Variants in TRIM37 observed in about 807,000 individuals in gnomAD.
TRIM37 encodes tripartite motif containing 37, also known as E3 ubiquitin-protein ligase TRIM37.
Under a neutral mutation model 129.8 loss-of-function variants are expected in TRIM37, and 80 were observed. That is an observed-to-expected ratio of 0.62 (90% CI 0.51 to 0.74). The LOEUF is 0.74. TRIM37 is among the 30% of genes least tolerant of loss of function. The pLI is 0.00. For missense variants in TRIM37, 1,054 were observed against 1,176.5 expected (o/e 0.90, Z 1.52); for synonymous variants, 389 against 387.1 (o/e 1.00, Z -0.06).
rs760937895 is a variant in TRIM37 at position 58,999,373 on chromosome 17, GCAATTACCTTC to G, written c.2888_*3del. The stretch of plus-strand genomic sequence containing the variant: ...CTTGCAAGTCAGTTCTCTTGATTTG[GCAATTACCTTC>G]CACTATTTTCATCTGTATTGAAGCT... On this transcript the variant is annotated stop_lost and 3_prime_UTR_variant, in exon 24 of 24. Coordinates refer to ENST00000262294, the MANE Select transcript of TRIM37 (RefSeq NM_015294.6). 6.2e-7 allele frequency: 1 copy of G among 1,613,786 alleles called. No individual in the cohort carries two copies. Among genetic ancestry groups the G allele is most frequent in the Non-Finnish European group, 8.5e-7 (1 of 1,179,876 alleles).
At chr17:59,027,140 GT>G (rs1165744881) in intron 19 of TRIM37, among the ~76,000 whole-genome samples, 2 of 152,126 alleles carry the variant, frequency 1.3e-5, no homozygotes, top group African/African-American at 4.8e-5. Context: ...TTTCAAAGTT[GT>G]GTACCATTCA....
chr17:59,012,227 G>GCAGCAGCAGCAGCACCACCAC (rs72443487), intron 22 of TRIM37, 101 bp downstream of exon 22: 14 of 611,888 alleles, frequency 2.3e-5, no homozygotes, highest in South Asian at 1.1e-4. Flanking sequence ...AGCAGCAGCA[G>GCAGCAGCAGCAGCACCACCAC]CACCACCACC....
chr17:59,017,571 T>C, intron 19 of TRIM37, 147 bp from the exon 20 acceptor site: 2 of 1,106,440 alleles, frequency 1.8e-6, no homozygotes, highest in South Asian at 1.3e-5. Context: ...TAGCCCCAAT[T>C]GGTTTAGACT....
intron 2 of TRIM37, among the ~76,000 whole-genome samples, chr17:59,095,798 A>T (rs1179128139): frequency 6.6e-6 from 1 of 152,230 alleles, no homozygotes; most frequent in Admixed American, 6.5e-5. Flanking sequence ...AGCTCACTGC[A>T]GCCTCAACCT....
chr17:59,049,889 C>G (rs1967575733), intron 14 of TRIM37, among the ~76,000 whole-genome samples: 1 of 152,186 alleles, frequency 6.6e-6, no homozygotes, highest in Non-Finnish European at 1.5e-5. Context: ...TTATGCTCAT[C>G]CTCCTTCTTT....
intron 2 of TRIM37, among the ~76,000 whole-genome samples, chr17:59,091,897 A>C (rs1568232590): frequency 6.6e-6 from 1 of 151,826 alleles, no homozygotes; most frequent in East Asian, 1.9e-4. Flanking sequence ...TTATTGTCTT[A>C]TAATAATGGC....
intron 24 of TRIM37, among the ~76,000 whole-genome samples, chr17:58,986,247 G>A (rs1029321554): frequency 2.0e-5 from 3 of 148,540 alleles, no homozygotes; most frequent in Non-Finnish European, 4.5e-5. Context: ...CACCCAGGCC[G>A]GAGTGCAGTG....
chr17:59,058,620 G>A (rs2041189838), intron 12 of TRIM37, among the ~76,000 whole-genome samples: 1 of 152,170 alleles, frequency 6.6e-6, no homozygotes, highest in Admixed American at 6.5e-5. Flanking sequence ...CACTTTAAGA[G>A]ACCGAGGTGG....
Position 58,998,595 on chromosome 17 carries a change from AAAG to A in TRIM37, c.*779_*781del. The A allele has an allele frequency of 1.0e-6, 1 of 985,478 alleles. No homozygotes were observed. The allele number at this position is 985,478 out of a possible 1,614,324, so 61.0% of individuals were successfully genotyped here. ...AAATCAATGTACAACTAATGAAAAT[AAAG>A]AAGAAAAGGGGGCTTTAAAATATTT... On this transcript the variant is annotated 3_prime_UTR_variant, in exon 24 of 24. Coordinates refer to ENST00000262294, the MANE Select transcript of TRIM37 (RefSeq NM_015294.6).
chr17:59,048,828 C>T (rs911331001), intron 15 of TRIM37, among the ~76,000 whole-genome samples: 5 of 152,218 alleles, frequency 3.3e-5, no homozygotes, highest in Non-Finnish European at 7.3e-5. Context: ...AACTCCTGAC[C>T]TCATGTGATC....
chr17:59,063,368 C>T (rs1161148188), intron 10 of TRIM37, among the ~76,000 whole-genome samples: 6 of 151,998 alleles, frequency 3.9e-5, no homozygotes, highest in African/African-American at 9.7e-5. Context: ...TTAGTAGAGA[C>T]GGGGTTTACC....
In TRIM37 at chr17:59,037,354, C is replaced by T. The variant is rs560280166; in HGVS notation, c.1753+4459G>A. ...AGGGCAGATCACAAGATCAGGAGATCGAGACCATCCTGGCTAACACGGTGA... is the reference window on the plus strand; with the variant it reads ...AGGGCAGATCACAAGATCAGGAGATTGAGACCATCCTGGCTAACACGGTGA... On this transcript the variant is annotated intron_variant, in intron 17 of 23. Transcript: ENST00000262294. Among the ~76,000 whole-genome samples, 117 of 151,576 alleles carry T rather than the reference C, an allele frequency of 7.7e-4. 1 individual carries two copies. Among genetic ancestry groups the T allele is most frequent in the Non-Finnish European group, 1.1e-3 (75 of 67,872 alleles).
chr17:58,980,997 G>A, downstream of TRIM37: 1 of 1,612,040 alleles, frequency 6.2e-7, no homozygotes, highest in Non-Finnish European at 8.5e-7. This position sits in a 1 kb window ranked among gnomAD's most constrained non-coding sequence, Gnocchi z 4.7. Flanking sequence ...GATATTCCAT[G>A]CCCAGATCTT....
rs528399512 is a variant in TRIM37, at chr17:59,020,390, G to GA, written c.2258-2967dup. On this transcript the variant is annotated intron_variant, in intron 19 of 23. Transcript: ENST00000262294. ...CCCTTGAGCAGGTCAAATCAAAGGA[G>GA]AAAAAAAAACAGAAGTAAGCAATAA... Among the ~76,000 whole-genome samples, 589 of 147,124 alleles carry GA rather than the reference G, an allele frequency of 4.0e-3. 11 individuals carry two copies. Among genetic ancestry groups the GA allele is most frequent in the African/African-American group, 0.012 (476 of 40,096 alleles).
At chr17:58,995,895 T>C (rs554016552), downstream of TRIM37, among the ~76,000 whole-genome samples, 3 of 152,110 alleles carry the variant, frequency 2.0e-5, no homozygotes, top group South Asian at 6.2e-4. Flanking sequence ...TAGTCCCAGC[T>C]ACTTAGGAGG....
At chr17:59,047,944 T>C (rs2146093633) in intron 15 of TRIM37, 125 bp from the exon 16 acceptor site, 2 of 1,122,066 alleles carry the variant, frequency 1.8e-6, no homozygotes, top group South Asian at 1.3e-5. Flanking sequence ...TTTCTGCTCC[T>C]GTGCCTCAGC....
chr17:59,051,890 C>A (rs1314673496), intron 13 of TRIM37, among the ~76,000 whole-genome samples: 1 of 152,110 alleles, frequency 6.6e-6, no homozygotes, highest in Non-Finnish European at 1.5e-5. Flanking sequence ...GCCACTACGC[C>A]CGGCTAATTT....
chr17:59,005,116 A>G (rs1237980080), intron 22 of TRIM37, among the ~76,000 whole-genome samples: 2 of 152,184 alleles, frequency 1.3e-5, no homozygotes, highest in African/African-American at 4.8e-5. Context: ...ACTGAGTTGA[A>G]CTTCAAGGCA....
chr17:59,015,013 C>T (rs894912474), intron 21 of TRIM37, among the ~76,000 whole-genome samples: 2 of 146,738 alleles, frequency 1.4e-5, no homozygotes, highest in African/African-American at 5.1e-5. Flanking sequence ...GGAGGCGGAG[C>T]GTGCAGTGAG....
Sources: allele counts gnomAD v4.1 joint callset (sites outside exome capture counted in the v4.1 genomes callset), GRCh38; gene constraint gnomAD v4.1.1; non-coding constraint Gnocchi (gnomAD v3.1); transcripts MANE v1.5; gene names NCBI Gene and HGNC (gene_info 2026-07-23, HGNC 2026-07-21).